The following SPART variants were observed in gnomAD, a reference collection of about 807,000 sequenced individuals.
The protein encoded by SPART is spastic paraplegia 20 (Troyer syndrome).
Under a neutral mutation model 58.7 loss-of-function variants are expected in SPART, and 35 were observed. The observed-to-expected ratio is 0.60, with a 90% CI of 0.46 to 0.79. The LOEUF is 0.79. SPART is among the 30% of genes least tolerant of loss of function. The pLI is 0.00. For synonymous variants in SPART, 284 were observed against 280.7 expected (o/e 1.01, Z -0.12); for missense variants, 730 against 786.1 (o/e 0.93, Z 0.85).
intron 8 of SPART, among the ~76,000 whole-genome samples, chr13:36,311,047 G>A (rs1881032781): frequency 6.6e-6 from 1 of 152,140 alleles, no homozygotes; most frequent in South Asian, 2.1e-4. Context: ...TCTCCTCCTA[G>A]TCAGGGTCTC....
intron 1 of SPART, among the ~76,000 whole-genome samples, chr13:36,358,605 T>C (rs1187095722): frequency 6.6e-6 from 1 of 152,224 alleles, no homozygotes; most frequent in Non-Finnish European, 1.5e-5. Context: ...TCCAAAATAT[T>C]TCCTTAGTTT....
At chr13:36,312,266 T>C in intron 7 of SPART, 31 bp from the exon 8 acceptor site, 1 of 1,613,866 alleles carries the variant, frequency 6.2e-7, no homozygotes, top group Non-Finnish European at 8.5e-7. Flanking sequence ...ACGATGTAAA[T>C]CTAGTCCAAA....
rs928175797 is a variant in SPART at position 36,302,492 on chromosome 13, C to T, written c.*1873G>A. ...TGGGTACAGCTATGCTCCAATAAAA[C>T]GTTATTTATGAAAACAGGTGGACAT... On this transcript the variant is annotated 3_prime_UTR_variant, in exon 9 of 9. Transcript: ENST00000438666. 2 of 152,112 alleles carry T rather than the reference C, an allele frequency of 1.3e-5. No individual in the cohort carries two copies. The highest frequency in any genetic ancestry group is 4.8e-5 in the African/African-American group (2 of 41,416). 9.4% of individuals were successfully genotyped at this position (152,112 alleles called of 1,614,324 possible). A position where few individuals can be genotyped will look rare whatever the true frequency, so the allele number is the denominator to read the frequency against.
intron 5 of SPART, among the ~76,000 whole-genome samples, chr13:36,325,576 G>T (rs569411880): frequency 6.6e-6 from 1 of 152,232 alleles, no homozygotes; most frequent in African/African-American, 2.4e-5. Flanking sequence ...ACTGAATGGT[G>T]ACTGGCAATA....
chr13:36,352,819 G>A (rs935716952), intron 1 of SPART, among the ~76,000 whole-genome samples: 1 of 151,750 alleles, frequency 6.6e-6, no homozygotes, highest in Non-Finnish European at 1.5e-5. Context: ...AATTAGCCAG[G>A]CATGGTGGCA....
At chr13:36,330,721 T>G (rs768824347) in intron 3 of SPART, among the ~76,000 whole-genome samples, 3 of 152,210 alleles carry the variant, frequency 2.0e-5, no homozygotes, top group Non-Finnish European at 4.4e-5. Flanking sequence ...AAATACTCTA[T>G]TTCTACAGGT....
At chr13:36,307,896 A>G (rs1356772464) in intron 8 of SPART, among the ~76,000 whole-genome samples, 1 of 152,132 alleles carries the variant, frequency 6.6e-6, no homozygotes, top group African/African-American at 2.4e-5. Context: ...CTGAAATCAG[A>G]TAAGGAAGTT....
chr13:36,354,855 A>G (rs1358035888), intron 1 of SPART, among the ~76,000 whole-genome samples: 1 of 152,162 alleles, frequency 6.6e-6, no homozygotes, highest in Non-Finnish European at 1.5e-5. Context: ...TTACTTCTTT[A>G]ATCTTTTTTC....
intron 2 of SPART, among the ~76,000 whole-genome samples, chr13:36,333,412 A>AGTTG (rs1883644423): frequency 6.9e-6 from 1 of 145,710 alleles, no homozygotes; most frequent in South Asian, 2.2e-4. Flanking sequence ...TCTAGTATTT[A>AGTTG]GTTGGATTAT....
In SPART at chr13:36,304,413, C is replaced by A. The variant is rs1395358407; in HGVS notation, c.1953G>T (p.Lys651Asn). Residue 651 changes from lysine to asparagine, a missense_variant, in exon 9 of 9, where the codon AAG becomes AAT. Physicochemically the swap from Lys to Asn is moderately conservative, Grantham distance 94. Transcript: ENST00000438666. Reference sequence around the variant, plus strand: ...CCTTTACTTCCTTCGTCTGCTCATCCTTCTCCCCTCTCACGTTGACATTTG... The same window carrying A: ...CCTTTACTTCCTTCGTCTGCTCATCATTCTCCCCTCTCACGTTGACATTTG... ...GAANVNVRGE[K>N]DEQTKEVKEA... 6.2e-7 allele frequency: 1 copy of A among 1,614,070 alleles called. No individual in the cohort carries two copies. Among genetic ancestry groups the A allele is most frequent in the African/African-American group, 1.3e-5 (1 of 75,020 alleles).
At chr13:36,350,656 A>T (rs1342768992), upstream of SPART, among the ~76,000 whole-genome samples, 2 of 152,226 alleles carry the variant, frequency 1.3e-5, no homozygotes, top group African/African-American at 4.8e-5. Flanking sequence ...TTCTAAAAAA[A>T]ATAATTCTCT....
At chr13:36,332,112 C>G (rs575793697) in intron 2 of SPART, among the ~76,000 whole-genome samples, 1 of 152,038 alleles carries the variant, frequency 6.6e-6, no homozygotes, top group East Asian at 1.9e-4. Flanking sequence ...TTAAGTCGCC[C>G]AGAACCAACA....
chr13:36,345,551 C>T (rs923754474), intron 1 of SPART: 4 of 152,134 alleles, frequency 2.6e-5, no homozygotes, highest in African/African-American at 9.7e-5. Context: ...GGACTACTAG[C>T]GCACTTCCTT....
Position 36,327,127 on chromosome 13 carries a change from A to G in SPART, c.1165-429T>C, listed in dbSNP as rs1282517944. Among the ~76,000 whole-genome samples the G allele has an allele frequency of 1.3e-5, 2 of 152,206 alleles. 1 individual carries two copies. Among genetic ancestry groups the G allele is most frequent in the Non-Finnish European group, 2.9e-5 (2 of 68,032 alleles). The stretch of plus-strand genomic sequence containing the variant: ...AAACTGGTTTTGACAGAGATCAAAC[A>G]AATGTCTAATTTGAAACAAGAAGGA... On this transcript the variant is annotated intron_variant, in intron 4 of 8. Coordinates refer to ENST00000438666, the MANE Select transcript of SPART (RefSeq NM_015087.5).
chr13:36,364,753 G>A (rs1268016963), intron 1 of SPART, among the ~76,000 whole-genome samples: 5 of 152,244 alleles, frequency 3.3e-5, no homozygotes, highest in Middle Eastern at 3.4e-3. Flanking sequence ...TCTTCTTGCC[G>A]TTTTACAGTG....
chr13:36,305,855 C>T (rs1880459223), intron 8 of SPART, among the ~76,000 whole-genome samples: 1 of 152,096 alleles, frequency 6.6e-6, no homozygotes, highest in African/African-American at 2.4e-5. Flanking sequence ...ACATTTTCTC[C>T]AGGACACAGT....
chr13:36,306,286 C>G (rs935842887), intron 8 of SPART, among the ~76,000 whole-genome samples: 1 of 152,070 alleles, frequency 6.6e-6, no homozygotes, highest in African/African-American at 2.4e-5. Flanking sequence ...CTGATGGTGC[C>G]TTCTCATTGT....
intron 5 of SPART, 164 bp downstream of exon 5, chr13:36,326,411 G>C: frequency 1.3e-6 from 1 of 756,084 alleles, no homozygotes; most frequent in Non-Finnish European, 2.1e-6. Flanking sequence ...GACAATATCT[G>C]ATGTTTCAAA....
chr13:36,314,310 A>C lies in SPART; in HGVS notation c.1400T>G (p.Val467Gly). The C allele has an allele frequency of 6.2e-7, 1 of 1,614,070 alleles. No individual in the cohort carries two copies. Among genetic ancestry groups the C allele is most frequent in the East Asian group, 2.2e-5 (1 of 44,860 alleles). ...RERIQPEEKP[V>G]EVSPAVTKGL... ...CTTGGTGACAGCTGGACTAACTTCC[A>C]CGGGTTTTTCTTCTGGTTGAATCCG... is the stretch of plus-strand genomic sequence containing the variant. Residue 467 changes from valine (V) to glycine (G), a missense_variant, in exon 6 of 9, where the codon GTG becomes GGG. Coordinates refer to ENST00000438666, the MANE Select transcript of SPART (RefSeq NM_015087.5).
Sources: gnomAD v4.1 joint callset for allele counts (sites outside exome capture counted in the v4.1 genomes callset) on GRCh38, gnomAD v4.1.1 for gene constraint, MANE v1.5 for transcripts, NCBI Gene and HGNC (gene_info 2026-07-23, HGNC 2026-07-21) for gene names.